The following ZFPM2 variants were observed in gnomAD, a reference collection of about 807,000 sequenced individuals.
ZFPM2 encodes zinc finger protein ZFPM2.
In ZFPM2, 20 loss-of-function variants were observed where a neutral mutation model predicts 98.6. The ratio of observed to expected loss-of-function variants is 0.20; its 90% CI spans 0.14 to 0.29. The LOEUF (loss-of-function observed/expected upper bound fraction) is 0.29, where lower values mean the gene tolerates loss of function less well. ZFPM2 is among the 10% of genes least tolerant of loss of function. The pLI is 1.00. For synonymous variants in ZFPM2, 518 were observed against 502.7 expected, an observed-to-expected ratio of 1.03 and a Z score of -0.41; for missense variants, 1,310 against 1,388.6, an observed-to-expected ratio of 0.94 and a Z score of 0.90.
intron 1 of ZFPM2, among the ~76,000 whole-genome samples, chr8:105,369,900 T>C (rs1810585337): frequency 6.6e-6 from 1 of 152,168 alleles, no homozygotes; most frequent in Non-Finnish European, 1.5e-5. Context: ...ATACAAATAA[T>C]AAATATGAAT....
chr8:105,647,965 A>G (rs1817084740), intron 5 of ZFPM2, among the ~76,000 whole-genome samples: 1 of 152,170 alleles, frequency 6.6e-6, no homozygotes, highest in Non-Finnish European at 1.5e-5. Flanking sequence ...TGTCTTTCAC[A>G]ATGGTTGAAC....
intron 5 of ZFPM2, among the ~76,000 whole-genome samples, chr8:105,722,919 C>G (rs1811702413): frequency 6.6e-6 from 1 of 151,844 alleles, no homozygotes; most frequent in African/African-American, 2.4e-5. Context: ...AGTTTCAGTG[C>G]CAGTATCATA....
intron 7 of ZFPM2, 53 bp downstream of exon 7, chr8:105,799,001 T>C (rs561884768): frequency 1.8e-4 from 268 of 1,459,202 alleles, no homozygotes; most frequent in Admixed American, 3.9e-4. Context: ...GTTATTTTTA[T>C]AAATATATAT....
At chr8:105,446,997 G>A (rs1447912224) in intron 3 of ZFPM2, among the ~76,000 whole-genome samples, 1 of 152,038 alleles carries the variant, frequency 6.6e-6, no homozygotes, top group Non-Finnish European at 1.5e-5. Flanking sequence ...TGCAAGTTTT[G>A]TTATTAATGA....
intron 4 of ZFPM2, among the ~76,000 whole-genome samples, chr8:105,612,680 A>G (rs1469185656): frequency 1.3e-5 from 2 of 152,186 alleles, no homozygotes; most frequent in Non-Finnish European, 2.9e-5. Flanking sequence ...TCAAATGTCT[A>G]ATAATATATC....
intron 4 of ZFPM2, among the ~76,000 whole-genome samples, chr8:105,582,816 A>G (rs1815631534): frequency 6.6e-6 from 1 of 151,828 alleles, no homozygotes; most frequent in Non-Finnish European, 1.5e-5. Context: ...TTGGTTTCAA[A>G]CTCCTGGGCT....
At chr8:105,548,769 T>C (rs1271157561) in intron 3 of ZFPM2, among the ~76,000 whole-genome samples, 1 of 152,192 alleles carries the variant, frequency 6.6e-6, no homozygotes, top group Non-Finnish European at 1.5e-5. Flanking sequence ...TAAAATTTTA[T>C]CTTATACCTT....
At chr8:105,512,655 A>C (rs1321801160) in intron 3 of ZFPM2, among the ~76,000 whole-genome samples, 1 of 152,158 alleles carries the variant, frequency 6.6e-6, no homozygotes, top group Admixed American at 6.6e-5. Context: ...CTGCAGAGAG[A>C]GAAATAAGCC....
chr8:105,401,394 T>C (rs1364489753), intron 1 of ZFPM2, among the ~76,000 whole-genome samples: 1 of 152,154 alleles, frequency 6.6e-6, no homozygotes, highest in Non-Finnish European at 1.5e-5. Context: ...AATGCTTTAC[T>C]GCCTTTTGCT....
intron 1 of ZFPM2, among the ~76,000 whole-genome samples, chr8:105,347,076 A>ATT (rs995144370): frequency 1.1e-4 from 17 of 152,274 alleles, no homozygotes; most frequent in Admixed American, 2.6e-4. Context: ...TAGTTCTCTT[A>ATT]TTTGAGAAAG....
At chr8:105,482,721 T>C (rs1813144211) in intron 3 of ZFPM2, among the ~76,000 whole-genome samples, 1 of 152,192 alleles carries the variant, frequency 6.6e-6, no homozygotes, top group African/African-American at 2.4e-5. Context: ...CAGGACACCC[T>C]CCTATTTTAC....
At chr8:105,689,110 C>T (rs1810816800) in intron 5 of ZFPM2, among the ~76,000 whole-genome samples, 1 of 152,048 alleles carries the variant, frequency 6.6e-6, no homozygotes, top group Non-Finnish European at 1.5e-5. Context: ...CCACTCCCTT[C>T]CTGACCTAAG....
At chr8:105,395,227 TTCTC>T (rs564881364) in intron 1 of ZFPM2, among the ~76,000 whole-genome samples, 6 of 152,356 alleles carry the variant, frequency 3.9e-5, no homozygotes, top group African/African-American at 1.4e-4. Context: ...ATTTTGCACT[TTCTC>T]TCAGTATTTC....
At chr8:105,594,859 C>T (rs1206568252) in intron 4 of ZFPM2, among the ~76,000 whole-genome samples, 2 of 152,032 alleles carry the variant, frequency 1.3e-5, no homozygotes, top group Non-Finnish European at 2.9e-5. Context: ...TCAGGTTATA[C>T]CAACTATATT....
At chr8:105,580,671 A>G (rs1193780352) in intron 4 of ZFPM2, among the ~76,000 whole-genome samples, 1 of 152,092 alleles carries the variant, frequency 6.6e-6, no homozygotes, top group African/African-American at 2.4e-5. Context: ...AAAAGATTGC[A>G]GCACCTATAA....
At chr8:105,442,599 A>G (rs1436624491) in intron 2 of ZFPM2, among the ~76,000 whole-genome samples, 2 of 152,182 alleles carry the variant, frequency 1.3e-5, no homozygotes, top group Non-Finnish European at 1.5e-5. Context: ...AATTTAAGAC[A>G]TGGGATTCAG....
intron 4 of ZFPM2, among the ~76,000 whole-genome samples, chr8:105,574,943 A>G (rs1815432593): frequency 1.3e-5 from 2 of 149,154 alleles, no homozygotes; most frequent in African/African-American, 5.2e-5. Context: ...CCTATAGGAA[A>G]AAAAAAAATA....
chr8:105,422,974 A>G (rs753416201), intron 2 of ZFPM2, among the ~76,000 whole-genome samples: 48 of 152,190 alleles, frequency 3.2e-4, no homozygotes, highest in Admixed American at 5.2e-4. Flanking sequence ...AACTAAAATT[A>G]TAGTTCTTCA....
intron 6 of ZFPM2, among the ~76,000 whole-genome samples, chr8:105,792,592 C>G (rs1033552692): frequency 6.6e-5 from 10 of 152,052 alleles, no homozygotes; most frequent in Admixed American, 2.6e-4. Flanking sequence ...CTGTAGATGT[C>G]TATTAGGTCT....
Sources: allele counts gnomAD v4.1 joint callset (sites outside exome capture counted in the v4.1 genomes callset), GRCh38; gene constraint gnomAD v4.1.1; transcripts MANE v1.5; gene names NCBI Gene and HGNC (gene_info 2026-07-23, HGNC 2026-07-21).